The following BBS9 variants were observed in gnomAD, a reference collection of about 807,000 sequenced individuals.
The protein encoded by BBS9 is protein PTHB1.
BBS9 carries 89 observed loss-of-function variants against 117.7 expected under a neutral mutation model. The observed-to-expected ratio is 0.76, with a 90% CI of 0.64 to 0.90. The LOEUF (loss-of-function observed/expected upper bound fraction) is 0.90. Among genes scored for constraint, BBS9 ranks in the 40% least tolerant of loss-of-function variants. BBS9 has a pLI of 0.00. For synonymous variants in BBS9, 379 were observed against 370.9 expected, an observed-to-expected ratio of 1.02 and a Z score of -0.25; for missense variants, 982 against 1,042.2, an observed-to-expected ratio of 0.94 and a Z score of 0.80.
intron 19 of BBS9, among the ~76,000 whole-genome samples, chr7:33,402,673 G>C (rs1005684322): frequency 1.3e-5 from 2 of 152,092 alleles, no homozygotes; most frequent in Non-Finnish European, 2.9e-5. Context: ...TTCCTCAGTG[G>C]TTGCTCCTTT....
chr7:33,382,459 CAAAA>C (rs113930733), intron 17 of BBS9, among the ~76,000 whole-genome samples: 307 of 122,626 alleles, frequency 2.5e-3, no homozygotes, highest in Non-Finnish European at 4.0e-3. Flanking sequence ...GACCCTGTCT[CAAAA>C]AAAAAAAAAA....
At chr7:33,363,122 A>G (rs898029477) in intron 16 of BBS9, among the ~76,000 whole-genome samples, 1 of 151,970 alleles carries the variant, frequency 6.6e-6, no homozygotes, top group Non-Finnish European at 1.5e-5. Context: ...TTTTCTTTTG[A>G]TATGGAGTCT....
intron 19 of BBS9, among the ~76,000 whole-genome samples, chr7:33,447,585 G>A (rs1199086651): frequency 1.3e-5 from 2 of 152,132 alleles, no homozygotes; most frequent in Non-Finnish European, 2.9e-5. Flanking sequence ...TTTAAAATAC[G>A]TATCTGCTAC....
rs1214394077 is a variant in BBS9 at position 33,568,167 on chromosome 7, C to T, written c.2521+33991C>T. 2.0e-5 allele frequency among the ~76,000 whole-genome samples: 3 copies of T among 152,130 alleles called. No individual in the cohort carries two copies. In the East Asian group the frequency reaches 5.8e-4, roughly 29 times the overall value. On this transcript the variant is annotated intron_variant, in intron 21 of 22. Transcript: ENST00000242067. ...CATGATTTCATCATTGCTTTCTTTT[C>T]TAGCCTTGTCTCTCAGCACTCCCCA...
chr7:33,618,178 A>C lies in BBS9; in HGVS notation c.2522-16999A>C, dbSNP rs188093303. Among the ~76,000 whole-genome samples, 329 of 152,202 alleles carry C rather than the reference A, an allele frequency of 2.2e-3. 2 individuals are homozygous for C. Among genetic ancestry groups the C allele is most frequent in the African/African-American group, 7.4e-3 (308 of 41,552 alleles). Reference sequence around the variant, plus strand: ...AACATAGTGAGACTCTGTCTCTACAAATTTTTTTGTTTCAGAATTAGCTGG... The same window carrying C: ...AACATAGTGAGACTCTGTCTCTACACATTTTTTTGTTTCAGAATTAGCTGG... On this transcript the variant is annotated intron_variant, in intron 21 of 21. Transcript: ENST00000671952.
chr7:33,359,575 TA>T (rs1039687917), intron 16 of BBS9, among the ~76,000 whole-genome samples: 4 of 152,076 alleles, frequency 2.6e-5, no homozygotes, highest in African/African-American at 9.7e-5. Context: ...GAGTGGTTTT[TA>T]AAAAATTCCT....
chr7:33,616,469 TATATA>T (rs1327371717), intron 21 of BBS9, among the ~76,000 whole-genome samples: 2 of 145,284 alleles, frequency 1.4e-5, no homozygotes, highest in African/African-American at 5.1e-5. Flanking sequence ...TATATAACTT[TATATA>T]ATATATGTGT....
intron 19 of BBS9, among the ~76,000 whole-genome samples, chr7:33,405,884 T>G (rs1829871567): frequency 6.6e-6 from 1 of 152,204 alleles, no homozygotes; most frequent in Non-Finnish European, 1.5e-5. Context: ...TGCCTTCTGC[T>G]AGCTTTTGAA....
rs566341890 is a variant in BBS9, at chr7:33,335,412, TA to T, written c.1017-1020del. ...CTTTAGAACCAAGTAGAAAATACTTTAAAAAAAAATCAAAAGTTTCTGTAGA... is the reference window on the plus strand; with the variant it reads ...CTTTAGAACCAAGTAGAAAATACTTTAAAAAAAATCAAAAGTTTCTGTAGA... On this transcript the variant is annotated intron_variant, in intron 9 of 22. Coordinates refer to ENST00000242067, the MANE Select transcript of BBS9 (RefSeq NM_198428.3). Among the ~76,000 whole-genome samples the T allele has an allele frequency of 5.0e-3, 760 of 151,522 alleles. 5 individuals carry two copies. Among genetic ancestry groups the T allele is most frequent in the Non-Finnish European group, 8.5e-3 (577 of 67,796 alleles).
At chr7:33,436,469 G>C (rs1402568210) in intron 19 of BBS9, among the ~76,000 whole-genome samples, 2 of 151,966 alleles carry the variant, frequency 1.3e-5, no homozygotes. Context: ...AGTTTCCTAA[G>C]GATTATATAA....
intron 19 of BBS9, among the ~76,000 whole-genome samples, chr7:33,458,226 G>C (rs1460793261): frequency 6.6e-6 from 1 of 152,122 alleles, no homozygotes; most frequent in Admixed American, 6.5e-5. Context: ...CCGAGGAAAG[G>C]CTGAATGGAA....
chr7:33,305,964 T>G (rs994350824), intron 9 of BBS9, among the ~76,000 whole-genome samples: 1 of 152,164 alleles, frequency 6.6e-6, no homozygotes, highest in Non-Finnish European at 1.5e-5. Context: ...GGTTTGCTCT[T>G]GCTTTTGTAG....
Position 33,554,379 on chromosome 7 carries a change from G to C in BBS9, c.2521+20203G>C, listed in dbSNP as rs151155612. Among the ~76,000 whole-genome samples the C allele has an allele frequency of 2.6e-4, 40 of 152,294 alleles. No individual in the cohort carries two copies. In the East Asian group the frequency reaches 2.7e-3, roughly 10 times the overall value. On this transcript the variant is annotated intron_variant, in intron 21 of 22. Transcript: ENST00000242067. ...GAGACTATTGTAGAAATGTAGGCAA[G>C]AGATGAGGTTGACTGGGGTTATGGC...
At chr7:33,320,265 T>A (rs1338191187) in intron 9 of BBS9, among the ~76,000 whole-genome samples, 1 of 152,142 alleles carries the variant, frequency 6.6e-6, no homozygotes, top group East Asian at 1.9e-4. Context: ...CCTCTGGTAA[T>A]CATTGTTCTA....
intron 19 of BBS9, among the ~76,000 whole-genome samples, chr7:33,437,373 A>G (rs1584824278): frequency 1.3e-5 from 2 of 152,322 alleles, no homozygotes; most frequent in South Asian, 2.1e-4. Flanking sequence ...GCCAAGTGCT[A>G]TATCAGGTTA....
chr7:33,522,081 A>C (rs1237851863), intron 20 of BBS9, among the ~76,000 whole-genome samples: 3 of 151,460 alleles, frequency 2.0e-5, no homozygotes, highest in Non-Finnish European at 2.9e-5. Context: ...TGAATTCATC[A>C]TTTTTTATGG....
downstream of BBS9, among the ~76,000 whole-genome samples, chr7:33,608,859 T>G (rs1263065583): frequency 7.0e-6 from 1 of 143,140 alleles, no homozygotes; most frequent in Admixed American, 6.8e-5. Flanking sequence ...GCTCTTTAGT[T>G]AATTAGGTCC....
chr7:33,132,832 C>T (rs1003710880), intron 1 of BBS9, among the ~76,000 whole-genome samples: 2 of 152,094 alleles, frequency 1.3e-5, no homozygotes, highest in Non-Finnish European at 2.9e-5. Flanking sequence ...GCTAATTTTT[C>T]ATTTTCTTGA....
chr7:33,528,580 AAGT>A (rs2129052959), intron 20 of BBS9, among the ~76,000 whole-genome samples: 1 of 152,324 alleles, frequency 6.6e-6, no homozygotes, highest in African/African-American at 2.4e-5. Context: ...TTTTAAAAAA[AAGT>A]AGGATTGAAT....
Sources: allele counts gnomAD v4.1 joint callset (sites outside exome capture counted in the v4.1 genomes callset), GRCh38; gene constraint gnomAD v4.1.1; transcripts MANE v1.5; gene names NCBI Gene and HGNC (gene_info 2026-07-23, HGNC 2026-07-21).